SH3RF1: variants seen among roughly 807,000 people sequenced by gnomAD.
SH3RF1 encodes E3 ubiquitin-protein ligase SH3RF1.
SH3RF1 carries 32 observed loss-of-function variants against 74.0 expected under a neutral mutation model. The observed-to-expected ratio is 0.43, with a 90% CI of 0.33 to 0.58. The LOEUF (loss-of-function observed/expected upper bound fraction) is 0.58, where lower values mean the gene tolerates loss of function less well. Ranked by LOEUF, SH3RF1 falls within the 20% of genes least tolerant of loss-of-function variation. The pLI, the probability that SH3RF1 is intolerant of heterozygous loss-of-function variation, is 0.05. For synonymous variants in SH3RF1, 396 were observed against 439.6 expected (o/e 0.90, Z 1.24); for missense variants, 954 against 1,130.9 (o/e 0.84, Z 2.24).
intron 2 of SH3RF1, among the ~76,000 whole-genome samples, chr4:169,268,043 C>T (rs1362520065): frequency 6.6e-6 from 1 of 151,628 alleles, no homozygotes; most frequent in Admixed American, 6.6e-5. Context: ...TTAGAAATAC[C>T]TATATTTCTA....
At chr4:169,182,918 A>G (rs1461353326) in intron 2 of SH3RF1, among the ~76,000 whole-genome samples, 2 of 152,128 alleles carry the variant, frequency 1.3e-5, no homozygotes, top group Non-Finnish European at 2.9e-5. Flanking sequence ...ACTGAAGTTG[A>G]AGACTTCCCA....
At chr4:169,105,457 C>G (rs1213197372) in intron 11 of SH3RF1, among the ~76,000 whole-genome samples, 1 of 152,138 alleles carries the variant, frequency 6.6e-6, no homozygotes, top group African/African-American at 2.4e-5. Flanking sequence ...CAGAACTGCT[C>G]CCTTTTGTAA....
chr4:169,155,348 G>A, intron 4 of SH3RF1, 132 bp downstream of exon 4: 1 of 658,770 alleles, frequency 1.5e-6, no homozygotes, highest in East Asian at 2.7e-5. Flanking sequence ...TTCCTGATCT[G>A]TCCAGTGATC....
At chr4:169,121,177 T>G (rs1251866247) in intron 7 of SH3RF1, among the ~76,000 whole-genome samples, 188 bp from the exon 8 acceptor site, 1 of 152,318 alleles carries the variant, frequency 6.6e-6, no homozygotes, top group South Asian at 2.1e-4. Context: ...ATTTTAAAAG[T>G]AGGCAGAGGC....
intron 6 of SH3RF1, among the ~76,000 whole-genome samples, chr4:169,124,779 C>A (rs980160361): frequency 1.3e-5 from 2 of 152,212 alleles, no homozygotes; most frequent in Admixed American, 6.5e-5. Context: ...TTATAAACAA[C>A]CTAAACCAAA....
intron 2 of SH3RF1, among the ~76,000 whole-genome samples, chr4:169,230,479 ATTTG>A (rs1349550768): frequency 1.3e-5 from 2 of 152,182 alleles, no homozygotes; most frequent in African/African-American, 2.4e-5. Flanking sequence ...TTTAGTTTTC[ATTTG>A]TTTTTCTATA....
At position 169,094,726 on chromosome 4, in the gene SH3RF1, A is replaced by C. The variant is rs1732883347; in HGVS notation, c.*1793T>G. The C allele has an allele frequency of 1.5e-5, 1 of 67,146 alleles. No individual in the cohort carries two copies. The highest frequency in any genetic ancestry group is 4.3e-5 in the African/African-American group (1 of 23,522). The allele number at this position is 67,146 out of a possible 1,614,324, so 4.2% of individuals were successfully genotyped here. A position where few individuals can be genotyped will look rare whatever the true frequency, so the allele number is the denominator to read the frequency against. On this transcript the variant is annotated 3_prime_UTR_variant, in exon 12 of 12. Coordinates refer to ENST00000284637, the MANE Select transcript of SH3RF1 (RefSeq NM_020870.4). The stretch of plus-strand genomic sequence containing the variant: ...CCTTTATATATTACATGAATATCCA[A>C]GTAAAGTATTTTTTTTTTAAATTCA...
At position 169,100,875 on chromosome 4, in the gene SH3RF1, C is replaced by T. The variant is rs114202083; in HGVS notation, c.2499-4188G>A. 9.3e-3 allele frequency among the ~76,000 whole-genome samples: 1,415 copies of T among 152,282 alleles called. 26 individuals are homozygous for T. The highest frequency in any genetic ancestry group is 0.032 in the African/African-American group (1,335 of 41,558). On this transcript the variant is annotated intron_variant, in intron 11 of 11. Coordinates refer to ENST00000284637, the MANE Select transcript of SH3RF1 (RefSeq NM_020870.4). The stretch of plus-strand genomic sequence containing the variant: ...CTATTCAGGGCCTTTACTTCCCCCA[C>T]GCCACACCTTGGCTCATGCAGTTCC...
chr4:169,191,030 C>T lies in SH3RF1; in HGVS notation c.394-34351G>A, dbSNP rs116289338. ...TTCGACAAAATCCAGCATCCCTTTA[C>T]GATTAAAACTCTGGGCAAAATTGCC... On this transcript the variant is annotated intron_variant, in intron 2 of 11. Transcript: ENST00000284637. Among the ~76,000 whole-genome samples the T allele has an allele frequency of 6.6e-3, 998 of 152,172 alleles. 8 individuals carry two copies. The highest frequency in any genetic ancestry group is 0.012 in the Non-Finnish European group (787 of 67,976).
intron 11 of SH3RF1, among the ~76,000 whole-genome samples, chr4:169,105,585 T>C (rs750527577): frequency 2.6e-5 from 4 of 152,200 alleles, no homozygotes; most frequent in African/African-American, 7.2e-5. Context: ...CATACCCTTC[T>C]GGCTCAGGAA....
intron 6 of SH3RF1, 143 bp downstream of exon 6, chr4:169,129,903 A>T: frequency 1.5e-6 from 1 of 682,734 alleles, no homozygotes. Flanking sequence ...TGTTAAGATT[A>T]ACAGAGATAA....
At chr4:169,197,084 C>G in intron 2 of SH3RF1, among the ~76,000 whole-genome samples, 1 of 152,196 alleles carries the variant, frequency 6.6e-6, no homozygotes, top group Middle Eastern at 3.4e-3. Flanking sequence ...CAGCTCACTA[C>G]AACTTCCACC....
chr4:169,142,056 G>A (rs1733795931), intron 4 of SH3RF1, among the ~76,000 whole-genome samples: 1 of 152,040 alleles, frequency 6.6e-6, no homozygotes, highest in Non-Finnish European at 1.5e-5. Flanking sequence ...CTGAGCTTGT[G>A]ATCCACCTGC....
chr4:169,212,958 C>T (rs1730404946), intron 2 of SH3RF1, among the ~76,000 whole-genome samples: 1 of 152,174 alleles, frequency 6.6e-6, no homozygotes, highest in South Asian at 2.1e-4. Flanking sequence ...ATTTTGGTTG[C>T]TTCCAAGTTT....
chr4:169,181,868 C>T (rs979373529), intron 2 of SH3RF1, among the ~76,000 whole-genome samples: 10 of 152,150 alleles, frequency 6.6e-5, no homozygotes, highest in African/African-American at 2.4e-4. Context: ...TCCCCTTATC[C>T]TGCTTTATTT....
At chr4:169,157,941 G>GT (rs1734087368) in intron 2 of SH3RF1, among the ~76,000 whole-genome samples, 1 of 151,008 alleles carries the variant, frequency 6.6e-6, no homozygotes, top group African/African-American at 2.4e-5. Flanking sequence ...GTCTCGCCAT[G>GT]TTGGCCAGGC....
At chr4:169,205,317 C>T (rs915382606) in intron 2 of SH3RF1, among the ~76,000 whole-genome samples, 1 of 152,094 alleles carries the variant, frequency 6.6e-6, no homozygotes, top group Non-Finnish European at 1.5e-5. Flanking sequence ...AAATTAACAC[C>T]ACATGTGTAT....
At chr4:169,191,388 T>C (rs1734706596) in intron 2 of SH3RF1, among the ~76,000 whole-genome samples, 1 of 145,310 alleles carries the variant, frequency 6.9e-6, no homozygotes, top group African/African-American at 2.5e-5. Flanking sequence ...CTAAAAGAAA[T>C]CATAGATGAC....
chr4:169,223,166 A>T (rs1730596179), intron 2 of SH3RF1, among the ~76,000 whole-genome samples: 1 of 152,198 alleles, frequency 6.6e-6, no homozygotes. Context: ...TATTCATTCC[A>T]TTGACAGGTA....
Sources: gnomAD v4.1 joint callset for allele counts (sites outside exome capture counted in the v4.1 genomes callset) on GRCh38, gnomAD v4.1.1 for gene constraint, MANE v1.5 for transcripts, NCBI Gene and HGNC (gene_info 2026-07-23, HGNC 2026-07-21) for gene names.